The following KALRN variants were observed in gnomAD, a reference collection of about 807,000 sequenced individuals.
The protein encoded by KALRN is kalirin.
In KALRN, 70 loss-of-function variants were observed where a neutral mutation model predicts 353.7. That is an observed-to-expected ratio of 0.20 (90% CI 0.16 to 0.24). The LOEUF (loss-of-function observed/expected upper bound fraction) is 0.24, where lower values mean the gene tolerates loss of function less well. KALRN is among the 10% of genes least tolerant of loss of function. The pLI is 1.00. For synonymous variants in KALRN, 1,391 were observed against 1,434.8 expected (o/e 0.97, Z 0.69); for missense variants, 2,791 against 3,756.7 (o/e 0.74, Z 6.72).
chr3:124,068,244 C>T (rs1318409955), intron 1 of KALRN, among the ~76,000 whole-genome samples: 1 of 152,170 alleles, frequency 6.6e-6, no homozygotes, highest in East Asian at 1.9e-4. Flanking sequence ...GGAAAGCACC[C>T]ACCTCCATCT....
intron 9 of KALRN, among the ~76,000 whole-genome samples, chr3:124,335,674 G>T (rs1323661003): frequency 6.6e-6 from 1 of 152,090 alleles, no homozygotes; most frequent in Non-Finnish European, 1.5e-5. Context: ...CCTAGGATGG[G>T]CTCTGCAGAG....
chr3:124,541,360 G>A (rs954871317), intron 33 of KALRN, among the ~76,000 whole-genome samples: 4 of 151,928 alleles, frequency 2.6e-5, no homozygotes, highest in Non-Finnish European at 5.9e-5. Flanking sequence ...TGAGGCAGGA[G>A]GATTGCTTGA....
chr3:124,677,180 A>T (rs560038063), intron 49 of KALRN, among the ~76,000 whole-genome samples: 5 of 152,342 alleles, frequency 3.3e-5, no homozygotes, highest in Admixed American at 6.5e-5. Flanking sequence ...CCCACCTTTG[A>T]CAAGGAGATA....
rs144815616 is a variant in KALRN, at chr3:124,356,591, C to T, written c.1770+9326C>T. Reference sequence around the variant, plus strand: ...TCAGGTGATTGCCCACCTTGGCCTCCCAAAATGCTAGGATTTACAGGTGTG... The same window carrying T: ...TCAGGTGATTGCCCACCTTGGCCTCTCAAAATGCTAGGATTTACAGGTGTG... On this transcript the variant is annotated intron_variant, in intron 10 of 59. Transcript: ENST00000682506. Among the ~76,000 whole-genome samples the T allele has an allele frequency of 3.9e-5, 6 of 152,228 alleles. No homozygotes were observed. The East Asian group carries it at 1.2e-3, about 29-fold the overall frequency.
At chr3:124,527,694 C>G (rs1397109082) in intron 33 of KALRN, among the ~76,000 whole-genome samples, 1 of 152,134 alleles carries the variant, frequency 6.6e-6, no homozygotes. Flanking sequence ...GCGTCTGCCC[C>G]AGTCTTCATG....
In KALRN at chr3:124,719,414, C is replaced by T. The variant is rs201528333; in HGVS notation, c.8905C>T (p.Arg2969Trp). 37 of 1,614,126 alleles carry T rather than the reference C, an allele frequency of 2.3e-5. 1 individual carries two copies. The highest frequency in any genetic ancestry group is 9.9e-5 in the South Asian group (9 of 91,084). ...ACGTCGCAAGCACCAGAATGATGTG[C>T]GGCCTATTCCCAATGTCAAGAGCTA... is the stretch of plus-strand genomic sequence containing the variant. ...IERRKHQNDVRPIPNVKSYIV... is the reference protein window; with the variant it reads ...IERRKHQNDVWPIPNVKSYIV... The change falls in exon 60 of 60, where the codon CGG (arginine) becomes TGG (tryptophan). Residue 2969 changes from arginine to tryptophan, a missense_variant. Physicochemically the swap from Arg to Trp is moderately radical, Grantham distance 101 (BLOSUM62 -3). This residue lies in a region of KALRN where 32 missense variants were observed against 27.4 expected (regional missense o/e 1.17). Transcript: ENST00000682506. This position sits in a 1 kb window ranked among gnomAD's most constrained non-coding sequence, Gnocchi z 5.3.
chr3:124,137,547 T>A (rs1161233039), intron 1 of KALRN, among the ~76,000 whole-genome samples: 1 of 152,198 alleles, frequency 6.6e-6, no homozygotes, highest in Admixed American at 6.5e-5. Context: ...TTGTCCTTGT[T>A]TGCTGTTCCC....
At chr3:124,276,780 C>T (rs899844203) in intron 5 of KALRN, among the ~76,000 whole-genome samples, 3 of 152,192 alleles carry the variant, frequency 2.0e-5, no homozygotes, top group African/African-American at 7.2e-5. Context: ...GTTCATCATC[C>T]AAGTCTCCCA....
intron 1 of KALRN, among the ~76,000 whole-genome samples, chr3:124,220,295 G>A (rs1255281504): frequency 1.3e-5 from 2 of 152,154 alleles, no homozygotes; most frequent in African/African-American, 2.4e-5. Context: ...AGTCACTGGC[G>A]GCATTTTTCA....
Position 124,632,637 on chromosome 3 carries a change from G to T in KALRN, c.5400G>T (p.Lys1800Asn). 6.2e-7 allele frequency: 1 copy of T among 1,614,196 alleles called. No individual in the cohort carries two copies. The highest frequency in any genetic ancestry group is 8.5e-7 in the Non-Finnish European group (1 of 1,180,034). ...KKQKKVRDGR[K>N]SFDLGSPKPG... ...AGAAGAAAGTTCGCGATGGTCGGAA[G>T]AGCTTTGACCTGGGATCTCCCAAGC... The change falls in exon 35 of 60, where the codon AAG becomes AAT. Residue 1800 changes from lysine (K) to asparagine (N), a missense_variant. This residue lies in a region of KALRN where 1,065 missense variants were observed against 1,156.4 expected (regional missense o/e 0.92). Coordinates refer to ENST00000682506, the MANE Select transcript of KALRN (RefSeq NM_001388419.1).
chr3:124,400,772 C>G (rs2090754723), intron 13 of KALRN, among the ~76,000 whole-genome samples: 1 of 152,176 alleles, frequency 6.6e-6, no homozygotes, highest in Non-Finnish European at 1.5e-5. Flanking sequence ...GCAATCATTC[C>G]TCAGCTCCAT....
chr3:124,576,600 A>AGG (rs1361183361), intron 34 of KALRN, among the ~76,000 whole-genome samples: 1 of 152,212 alleles, frequency 6.6e-6, no homozygotes, highest in Non-Finnish European at 1.5e-5. Flanking sequence ...GCAGGTCATT[A>AGG]TCCACATTCC....
intron 1 of KALRN, chr3:124,082,309 A>T: frequency 2.1e-6 from 1 of 470,976 alleles, no homozygotes; most frequent in East Asian, 6.9e-5. Flanking sequence ...TCCAAGGGAA[A>T]AGTTGCTCCA....
intron 32 of KALRN, among the ~76,000 whole-genome samples, chr3:124,495,729 TAAAAAAAAAAAA>T (rs1170201040): frequency 2.9e-5 from 2 of 68,234 alleles, no homozygotes; most frequent in African/African-American, 6.1e-5. Context: ...GACTCCATCT[TAAAAAAAAAAAA>T]AAAAAAAAAA....
At chr3:124,609,198 C>T (rs2077667779) in intron 34 of KALRN, among the ~76,000 whole-genome samples, 1 of 151,622 alleles carries the variant, frequency 6.6e-6, no homozygotes, top group South Asian at 2.1e-4. Flanking sequence ...TTTCTTTTTC[C>T]TCAATTTTTT....
In KALRN at chr3:124,711,819, T is replaced by C. The variant is rs141390679; in HGVS notation, c.8076-1116T>C. ...AAAAAAGCAGGGGATAGAAAAGAGA[T>C]AGATGAAACAAAATTGATTAAATTG... On this transcript the variant is annotated intron_variant, in intron 57 of 59. Transcript: ENST00000682506. Among the ~76,000 whole-genome samples the C allele has an allele frequency of 7.9e-5, 12 of 152,326 alleles. No homozygotes were observed. In the East Asian group the frequency reaches 2.3e-3, roughly 29 times the overall value.
intron 21 of KALRN, 91 bp from the exon 22 acceptor site, chr3:124,455,086 T>A (rs2059176590): frequency 3.5e-6 from 5 of 1,409,208 alleles, no homozygotes; most frequent in Middle Eastern, 1.8e-4. Context: ...ATGAGGTATC[T>A]ATGGCTGCTC....
chr3:124,462,665 C>T, intron 25 of KALRN, 32 bp downstream of exon 25: 1 of 1,287,000 alleles, frequency 7.8e-7, no homozygotes, highest in Non-Finnish European at 1.1e-6. Flanking sequence ...GAGGTGCACA[C>T]TTAGGCCGTA....
At chr3:124,499,197 G>C (rs994400545) in intron 33 of KALRN, among the ~76,000 whole-genome samples, 16 of 152,118 alleles carry the variant, frequency 1.1e-4, no homozygotes, top group African/African-American at 3.9e-4. Context: ...CACCAACTTG[G>C]GGAGCTGTGG....
Sources: gnomAD v4.1 joint callset for allele counts (sites outside exome capture counted in the v4.1 genomes callset) on GRCh38, gnomAD v4.1.1 for gene constraint, gnomAD v4.1.1 regional missense constraint, Gnocchi (gnomAD v3.1) non-coding constraint, MANE v1.5 for transcripts, NCBI Gene and HGNC (gene_info 2026-07-23, HGNC 2026-07-21) for gene names.